Variants in NIPAL2 observed in about 807,000 individuals in gnomAD.
NIPAL2 encodes NIPA like domain containing 2, also known as NIPA-like protein 2.
NIPAL2 carries 43 observed loss-of-function variants against 48.9 expected under a neutral mutation model. That is an observed-to-expected ratio of 0.88 (90% confidence interval 0.69 to 1.13). NIPAL2 has a LOEUF of 1.13. NIPAL2 is among the 50% of genes most tolerant of loss of function. The probability of loss-of-function intolerance (pLI) is 0.00; values close to 1 mark genes in which losing one functional copy is unlikely to be tolerated. For synonymous variants in NIPAL2, 167 were observed against 174.6 expected, an observed-to-expected ratio of 0.96 and a Z score of 0.34; for missense variants, 446 against 461.4, an observed-to-expected ratio of 0.97 and a Z score of 0.31.
At chr8:98,203,346 T>A in intron 7 of NIPAL2, 150 bp from the exon 8 acceptor site, 1 of 648,018 alleles carries the variant, frequency 1.5e-6, no homozygotes. Flanking sequence ...CAGTCATAGC[T>A]TATATGCATC....
intron 1 of NIPAL2, among the ~76,000 whole-genome samples, chr8:98,287,292 C>T (rs1437451998): frequency 6.6e-6 from 1 of 152,140 alleles, no homozygotes; most frequent in Non-Finnish European, 1.5e-5. Context: ...ACCTTTCTAA[C>T]CTAGAAGTCT....
chr8:98,241,555 A>C (rs1812980634), intron 3 of NIPAL2, among the ~76,000 whole-genome samples: 2 of 152,210 alleles, frequency 1.3e-5, no homozygotes, highest in African/African-American at 2.4e-5. Flanking sequence ...GTATTCCAAA[A>C]AATGGAGAGT....
intron 1 of NIPAL2, among the ~76,000 whole-genome samples, chr8:98,266,346 A>T (rs1450821403): frequency 2.0e-5 from 3 of 152,034 alleles, no homozygotes; most frequent in African/African-American, 7.2e-5. Flanking sequence ...TCACACCTGT[A>T]ATCTTAGCAC....
intron 4 of NIPAL2, among the ~76,000 whole-genome samples, chr8:98,235,739 C>T (rs1812677133): frequency 6.6e-6 from 1 of 151,482 alleles, no homozygotes; most frequent in Non-Finnish European, 1.5e-5. Context: ...TATGATCTCC[C>T]TGGAAGAAGG....
intron 8 of NIPAL2, among the ~76,000 whole-genome samples, chr8:98,199,199 G>A (rs376247127): frequency 3.9e-5 from 6 of 151,970 alleles, no homozygotes; most frequent in Non-Finnish European, 5.9e-5. Flanking sequence ...CAGGTGATCC[G>A]CCCGCCTCAG....
At chr8:98,265,435 GA>G in intron 1 of NIPAL2, among the ~76,000 whole-genome samples, 1 of 124,262 alleles carries the variant, frequency 8.0e-6, no homozygotes. Flanking sequence ...AAATTTACAA[GA>G]AAAAAACAAA....
intron 3 of NIPAL2, among the ~76,000 whole-genome samples, chr8:98,250,867 G>A (rs565860439): frequency 6.6e-6 from 1 of 152,252 alleles, no homozygotes; most frequent in South Asian, 2.1e-4. Flanking sequence ...AGACTCACAG[G>A]CAGCTTCACT....
intron 9 of NIPAL2, 68 bp downstream of exon 9, chr8:98,195,874 A>G: frequency 8.9e-7 from 1 of 1,123,118 alleles, no homozygotes; most frequent in South Asian, 1.4e-5. Flanking sequence ...TACCTCCGGT[A>G]CAATGCCGAA....
intron 4 of NIPAL2, among the ~76,000 whole-genome samples, chr8:98,229,031 G>A (rs1812313736): frequency 6.6e-6 from 1 of 152,140 alleles, no homozygotes; most frequent in African/African-American, 2.4e-5. Flanking sequence ...ATATTGGAGG[G>A]GACATAAAAC....
chr8:98,242,466 C>A (rs542557298), intron 3 of NIPAL2, among the ~76,000 whole-genome samples: 1 of 147,438 alleles, frequency 6.8e-6, no homozygotes, highest in Non-Finnish European at 1.5e-5. Flanking sequence ...AGATTACAGG[C>A]AAAAGCCACT....
At chr8:98,217,705 TCTC>T (rs1322086416) in intron 5 of NIPAL2, among the ~76,000 whole-genome samples, 4 of 152,208 alleles carry the variant, frequency 2.6e-5, no homozygotes, top group Non-Finnish European at 4.4e-5. Flanking sequence ...ATAGATCTAT[TCTC>T]CTTAGAGTCT....
intron 1 of NIPAL2, among the ~76,000 whole-genome samples, chr8:98,280,761 TAGAGAG>T (rs1554578553): frequency 3.3e-4 from 10 of 30,032 alleles, no homozygotes; most frequent in Admixed American, 4.5e-4. Context: ...TATATATATA[TAGAGAG>T]AGAGAGAGAG....
At chr8:98,222,398 G>A (rs1212419400) in intron 5 of NIPAL2, 81 bp downstream of exon 5, 13 of 1,398,422 alleles carry the variant, frequency 9.3e-6, no homozygotes, top group Non-Finnish European at 1.3e-5. Context: ...GTAAGGAAAA[G>A]ATTATGTTCT....
intron 9 of NIPAL2, 105 bp downstream of exon 9, chr8:98,195,837 T>C (rs13264255): frequency 0.51 from 359,565 of 710,288 alleles, 92,933 homozygotes; most frequent in Admixed American, 0.6. Flanking sequence ...GAAACTGATG[T>C]TTCTTATATT....
intron 8 of NIPAL2, among the ~76,000 whole-genome samples, chr8:98,199,648 A>T (rs996513974): frequency 1.3e-5 from 2 of 152,172 alleles, no homozygotes; most frequent in Admixed American, 1.3e-4. Flanking sequence ...CTGATCACAG[A>T]TCACCGTAAC....
At chr8:98,293,389 T>C (rs961309365) in intron 1 of NIPAL2, among the ~76,000 whole-genome samples, 1 of 152,174 alleles carries the variant, frequency 6.6e-6, no homozygotes, top group Non-Finnish European at 1.5e-5. Flanking sequence ...ATATTTCCAG[T>C]GTAAACTGGC....
At chr8:98,284,582 T>C (rs561133895) in intron 1 of NIPAL2, among the ~76,000 whole-genome samples, 3 of 152,236 alleles carry the variant, frequency 2.0e-5, no homozygotes, top group Admixed American at 6.5e-5. Flanking sequence ...TGGTTACATT[T>C]TGGACCCTCA....
chr8:98,241,905 T>C (rs1225385389), intron 3 of NIPAL2, among the ~76,000 whole-genome samples: 3 of 152,150 alleles, frequency 2.0e-5, no homozygotes, highest in African/African-American at 7.2e-5. Flanking sequence ...AAGCTGAGGC[T>C]TGGAGAGTTT....
At chr8:98,219,983 G>A (rs56214625) in intron 5 of NIPAL2, among the ~76,000 whole-genome samples, 3,810 of 152,170 alleles carry the variant, frequency 0.025, 82 homozygotes, top group Non-Finnish European at 0.039. Context: ...GACATTCTTG[G>A]TATAAATGGC....
Sources: allele counts gnomAD v4.1 joint callset (sites outside exome capture counted in the v4.1 genomes callset), GRCh38; gene constraint gnomAD v4.1.1; transcripts MANE v1.5; gene names NCBI Gene and HGNC (gene_info 2026-07-23, HGNC 2026-07-21).